Variants in PHRF1 observed in about 807,000 individuals in gnomAD.
PHRF1 encodes PHD and RING finger domain-containing protein 1.
A neutral mutation model predicts 128.9 loss-of-function variants in PHRF1; 53 were observed. The ratio of observed to expected loss-of-function variants is 0.41; its 90% CI spans 0.33 to 0.52. The LOEUF (loss-of-function observed/expected upper bound fraction) is 0.52, where lower values mean the gene tolerates loss of function less well. Among genes scored for constraint, PHRF1 ranks in the 20% least tolerant of loss-of-function variants. The pLI is 0.21. For missense variants in PHRF1, 2,503 were observed against 2,284.5 expected (o/e 1.10, Z -1.95); for synonymous variants, 1,178 against 980.6 (o/e 1.20, Z -3.76).
rs1854198427 is a variant in PHRF1 at position 581,502 on chromosome 11, A to G, written c.-11A>G. 6.2e-7 allele frequency: 1 copy of G among 1,613,242 alleles called. No individual in the cohort carries two copies. Among genetic ancestry groups the G allele is most frequent in the Non-Finnish European group, 8.5e-7 (1 of 1,179,750 alleles). ...TCTTCTTTCTTTCAGAGCTGAGCTC[A>G]ATGTGCAGCAATGGATGACGACAGC... On this transcript the variant is annotated 5_prime_UTR_variant, in exon 2 of 18. Transcript: ENST00000264555.
chr11:605,017 G>A, intron 10 of PHRF1, 102 bp from the exon 11 acceptor site: 1 of 1,201,996 alleles, frequency 8.3e-7, no homozygotes. Context: ...TCCGGCTCTA[G>A]TGTTCACTGT....
At position 591,255 on chromosome 11, in the gene PHRF1, C is replaced by T. The variant is rs1477575025; in HGVS notation, c.421-129C>T. 8 of 811,840 alleles carry T rather than the reference C, an allele frequency of 9.9e-6. 1 individual carries two copies. Among genetic ancestry groups the T allele is most frequent in the South Asian group, 4.7e-5 (3 of 63,284 alleles). 50.3% of individuals were successfully genotyped at this position (811,840 alleles called of 1,614,324 possible). On this transcript the variant is annotated intron_variant, in intron 4 of 17. Coordinates refer to ENST00000264555, the MANE Select transcript of PHRF1 (RefSeq NM_001286581.2). ...CTGTGCTCCCTCCACTGCCGTGTTG[C>T]CAGCAGCTTAGTGGAGGGCCTGGCG...
chr11:586,693 C>T (rs1854588762), intron 3 of PHRF1, among the ~76,000 whole-genome samples: 1 of 152,224 alleles, frequency 6.6e-6, no homozygotes, highest in African/African-American at 2.4e-5. Context: ...GGTGTAGCCT[C>T]AGAACCACTC....
intron 11 of PHRF1, 89 bp from the exon 12 acceptor site, chr11:605,516 G>T (rs908515273): frequency 6.4e-7 from 1 of 1,556,552 alleles, no homozygotes; most frequent in Non-Finnish European, 8.7e-7. Context: ...GCCAGTGCTC[G>T]GCCATCCTCC....
chr11:602,644 G>A (rs928341804), intron 10 of PHRF1, among the ~76,000 whole-genome samples: 1 of 152,078 alleles, frequency 6.6e-6, no homozygotes, highest in Non-Finnish European at 1.5e-5. Context: ...TTGCACCACT[G>A]CACTCCAGCC....
At chr11:601,077 G>A (rs566607435) in intron 9 of PHRF1, among the ~76,000 whole-genome samples, 1 of 152,356 alleles carries the variant, frequency 6.6e-6, no homozygotes, top group South Asian at 2.1e-4. Context: ...CTTGAACCCA[G>A]GAGGCGGAGG....
intron 13 of PHRF1, chr11:606,850 C>A: frequency 1.1e-6 from 1 of 903,654 alleles, no homozygotes; most frequent in Non-Finnish European, 1.6e-6. Context: ...TGGTTAATAT[C>A]GTGTCCTGAT....
At chr11:592,787 C>T in intron 6 of PHRF1, 113 bp downstream of exon 6, 1 of 1,146,968 alleles carries the variant, frequency 8.7e-7, no homozygotes. Context: ...GCACCTGGAG[C>T]TGTGCTCACC....
Position 598,435 on chromosome 11 carries a change from C to A in PHRF1, c.957C>A (p.Gly319=), listed in dbSNP as rs370888480. ...AAGCCATCGAGGCTGTGGCGACTGG[C>A]CTGAGCACTGCCGTGTATCAGCGCC... ...LDEAIEAVAT[G]LSTAVYQRPL... is the part of the protein sequence containing the mutation. Residue 319 remains glycine, a synonymous_variant, in exon 9 of 18, where the codon GGC becomes GGA. Coordinates refer to ENST00000264555, the MANE Select transcript of PHRF1 (RefSeq NM_001286581.2). 7 of 1,611,184 alleles carry A rather than the reference C, an allele frequency of 4.3e-6. No homozygotes were observed. The highest frequency in any genetic ancestry group is 5.9e-6 in the Non-Finnish European group (7 of 1,179,778).
In PHRF1 at chr11:608,886, G is replaced by T; in HGVS notation, c.3430G>T (p.Glu1144Ter). The T allele has an allele frequency of 6.2e-7, 1 of 1,612,260 alleles. No homozygotes were observed. Among genetic ancestry groups the T allele is most frequent in the Non-Finnish European group, 8.5e-7 (1 of 1,179,792 alleles). The change falls in exon 14 of 18, where the codon GAG becomes TAG. Residue 1144 changes from glutamate to a stop codon, truncating the protein, a stop_gained. Coordinates refer to ENST00000264555, the MANE Select transcript of PHRF1 (RefSeq NM_001286581.2). LOFTEE classifies it high-confidence loss of function. ...RHKHQRERSH[E>*]RPDRKESVAW... is the part of the protein sequence containing the mutation. ...CAAGCATCAGCGGGAACGCAGCCACGAGCGGCCAGACAGGAAGGAGAGTGT... is the reference window on the plus strand; with the variant it reads ...CAAGCATCAGCGGGAACGCAGCCACTAGCGGCCAGACAGGAAGGAGAGTGT...
At chr11:602,767 T>G (rs958709802) in intron 10 of PHRF1, among the ~76,000 whole-genome samples, 4 of 150,252 alleles carry the variant, frequency 2.7e-5, no homozygotes, top group Non-Finnish European at 4.4e-5. Flanking sequence ...TTTTGTTTTT[T>G]TTGTTTTTTT....
In PHRF1 at chr11:609,501, C is replaced by A; in HGVS notation, c.4045C>A (p.Pro1349Thr). The A allele has an allele frequency of 6.2e-7, 1 of 1,603,214 alleles. No individual in the cohort carries two copies. The highest frequency in any genetic ancestry group is 2.2e-5 in the East Asian group (1 of 44,730). The change falls in exon 14 of 18, where the codon CCG becomes ACG. Residue 1349 changes from proline to threonine, a missense_variant. Pro to Thr is a conservative substitution (Grantham distance 38). Transcript: ENST00000264555. The stretch of plus-strand genomic sequence containing the variant: ...CACCCAGGAGCCACATTTGCTCAGG[C>A]CGGACGCGGCTGAGAAGGCTGAGGC... ...EGTQEPHLLR[P>T]DAAEKAEAPS...
intron 3 of PHRF1, among the ~76,000 whole-genome samples, chr11:583,129 A>G (rs1469683990): frequency 6.6e-6 from 1 of 151,634 alleles, no homozygotes; most frequent in East Asian, 2.0e-4. Flanking sequence ...TCAGGAGGTC[A>G]GGAGATCGAG....
rs1044870252 is a variant in PHRF1 at position 598,422 on chromosome 11, C to T, written c.944C>T (p.Ala315Val). The T allele has an allele frequency of 1.9e-6, 3 of 1,611,304 alleles. No individual in the cohort carries two copies. In the Admixed American group the frequency reaches 5.0e-5, roughly 27 times the overall value. The change falls in exon 9 of 18, where the codon GCT (alanine) becomes GTT (valine). Residue 315 changes from alanine to valine, a missense_variant. Ala to Val is a moderately conservative substitution (Grantham distance 64, BLOSUM62 0). Coordinates refer to ENST00000264555, the MANE Select transcript of PHRF1 (RefSeq NM_001286581.2). ...GSSLLDEAIEAVATGLSTAVY... is the reference protein window; with the variant it reads ...GSSLLDEAIEVVATGLSTAVY... ...TCCCTGCTGGATGAAGCCATCGAGGCTGTGGCGACTGGCCTGAGCACTGCC... is the reference window on the plus strand; with the variant it reads ...TCCCTGCTGGATGAAGCCATCGAGGTTGTGGCGACTGGCCTGAGCACTGCC...
Position 592,677 on chromosome 11 carries a change from A to G in PHRF1, c.620+3A>G. 6.2e-7 allele frequency: 1 copy of G among 1,613,946 alleles called. No homozygotes were observed. The highest frequency in any genetic ancestry group is 2.2e-5 in the East Asian group (1 of 44,878). On this transcript the variant is annotated splice_donor_region_variant and intron_variant, in intron 6 of 17. Transcript: ENST00000264555. The stretch of plus-strand genomic sequence containing the variant: ...CTCTGCGACGGCTGCGATGCGGGGT[A>G]AGGGACGGTTGGGACTGGCACACGT...
chr11:581,566 A>G lies in PHRF1; in HGVS notation c.54A>G (p.Gly18=). 6.2e-7 allele frequency: 1 copy of G among 1,613,414 alleles called. No homozygotes were observed. Among genetic ancestry groups the G allele is most frequent in the South Asian group, 1.1e-5 (1 of 91,070 alleles). Residue 18 remains glycine (G), a synonymous_variant, in exon 2 of 18, where the codon GGA becomes GGG. Transcript: ENST00000264555. ...ELVARSPGPD[G]HPQVGPADPA... is the part of the protein sequence containing the mutation. ...TGGCCCGGAGCCCAGGGCCGGATGGACACCCACAGGTCGGCCCTGCGGACC... is the reference window on the plus strand; with the variant it reads ...TGGCCCGGAGCCCAGGGCCGGATGGGCACCCACAGGTCGGCCCTGCGGACC...
intron 6 of PHRF1, among the ~76,000 whole-genome samples, chr11:596,667 T>A (rs1299104920): frequency 1.3e-5 from 2 of 152,190 alleles, no homozygotes; most frequent in Non-Finnish European, 2.9e-5. Context: ...GACGGCCGCC[T>A]CCCCGCTGTG....
intron 9 of PHRF1, among the ~76,000 whole-genome samples, chr11:600,761 T>C (rs899053786): frequency 6.6e-6 from 1 of 151,750 alleles, no homozygotes; most frequent in Admixed American, 6.6e-5. Flanking sequence ...GGTCAGGAGA[T>C]CGAGACCATC....
intron 10 of PHRF1, among the ~76,000 whole-genome samples, chr11:602,923 C>T (rs1239033324): frequency 6.6e-6 from 1 of 151,832 alleles, no homozygotes; most frequent in Non-Finnish European, 1.5e-5. Flanking sequence ...CCACCACGCC[C>T]AGCTAATTTT....
Sources: gnomAD v4.1 joint callset for allele counts (sites outside exome capture counted in the v4.1 genomes callset) on GRCh38, gnomAD v4.1.1 for gene constraint, MANE v1.5 for transcripts, NCBI Gene and HGNC (gene_info 2026-07-23, HGNC 2026-07-21) for gene names.